The following MAP4K4 variants were observed in gnomAD, a reference collection of about 807,000 sequenced individuals.
MAP4K4 encodes the protein HPK/GCK-like kinase HGK.
In MAP4K4, 38 loss-of-function variants were observed where a neutral mutation model predicts 189.6. That is an observed-to-expected ratio of 0.20 (90% CI 0.15 to 0.26). The LOEUF is 0.26. Among genes scored for constraint, MAP4K4 ranks in the 10% least tolerant of loss-of-function variants. The probability of loss-of-function intolerance (pLI) is 1.00; values close to 1 mark genes in which losing one functional copy is unlikely to be tolerated. For missense variants in MAP4K4, 1,054 were observed against 1,726.9 expected, an observed-to-expected ratio of 0.61 and a Z score of 6.91; for synonymous variants, 610 against 624.3, an observed-to-expected ratio of 0.98 and a Z score of 0.34.
chr2:101,748,579 T>C (rs1445621071), intron 2 of MAP4K4, among the ~76,000 whole-genome samples: 1 of 152,000 alleles, frequency 6.6e-6, no homozygotes, highest in East Asian at 1.9e-4. Flanking sequence ...GAGGCTGAGG[T>C]GGATGGATCT....
intron 11 of MAP4K4, among the ~76,000 whole-genome samples, chr2:101,843,716 G>T (rs1243943211): frequency 6.6e-6 from 1 of 152,100 alleles, no homozygotes; most frequent in African/African-American, 2.4e-5. Flanking sequence ...CAAAGACAAA[G>T]GAATGGTGTA....
chr2:101,859,191 G>A lies in MAP4K4; in HGVS notation c.1482+109G>A, dbSNP rs2097561075. On this transcript the variant is annotated intron_variant, in intron 14 of 32. Transcript: ENST00000324219. Reference sequence around the variant, plus strand: ...GACCATTTTGGTTTTGCTGTGGGCAGCCAGGCTGAAATAGTGATGCCCATT... The same window carrying A: ...GACCATTTTGGTTTTGCTGTGGGCAACCAGGCTGAAATAGTGATGCCCATT... The A allele has an allele frequency of 5.6e-6, 5 of 888,642 alleles. No homozygotes were observed. The South Asian group carries it at 8.5e-5, about 15-fold the overall frequency. 55.0% of individuals were successfully genotyped at this position (888,642 alleles called of 1,614,324 possible). A position where few individuals can be genotyped will look rare whatever the true frequency, so the allele number is the denominator to read the frequency against.
At chr2:101,816,273 G>A (rs750668086) in intron 3 of MAP4K4, among the ~76,000 whole-genome samples, 3 of 152,186 alleles carry the variant, frequency 2.0e-5, no homozygotes, top group Non-Finnish European at 2.9e-5. Flanking sequence ...TTTTGGCCAG[G>A]AGCCAAAGTT....
At chr2:101,867,415 C>A in intron 20 of MAP4K4, 106 bp downstream of exon 20, 1 of 791,002 alleles carries the variant, frequency 1.3e-6, no homozygotes, top group Non-Finnish European at 2.1e-6. Context: ...GAGGGCCCCT[C>A]ACAGATTTGA....
chr2:101,731,550 GA>G (rs1427046581), intron 2 of MAP4K4, among the ~76,000 whole-genome samples: 1 of 152,142 alleles, frequency 6.6e-6, no homozygotes, highest in Non-Finnish European at 1.5e-5. Flanking sequence ...CCAGAGCTTA[GA>G]AGTTTGAGAC....
intron 2 of MAP4K4, among the ~76,000 whole-genome samples, chr2:101,776,021 T>G (rs1180389499): frequency 5.3e-5 from 8 of 152,344 alleles, no homozygotes; most frequent in Admixed American, 4.6e-4. Context: ...TGGTGGTGTT[T>G]TGGAGGGCTT....
chr2:101,769,212 C>T (rs2080130865), intron 2 of MAP4K4, among the ~76,000 whole-genome samples: 1 of 152,070 alleles, frequency 6.6e-6, no homozygotes, highest in Non-Finnish European at 1.5e-5. Context: ...ATTGTGGTCT[C>T]ATTTGTTCTT....
intron 3 of MAP4K4, among the ~76,000 whole-genome samples, chr2:101,796,484 G>A (rs115095287): frequency 0.011 from 1,635 of 152,254 alleles, 15 homozygotes; most frequent in Non-Finnish European, 0.02. Context: ...TTGCTAATTA[G>A]ACACTGCAGG....
intron 2 of MAP4K4, among the ~76,000 whole-genome samples, chr2:101,734,952 C>T (rs2059793767): frequency 6.6e-6 from 1 of 152,020 alleles, no homozygotes; most frequent in Non-Finnish European, 1.5e-5. Context: ...GGGGCTAGGC[C>T]CAGTTAACTA....
intron 3 of MAP4K4, among the ~76,000 whole-genome samples, chr2:101,796,568 T>A (rs1479521057): frequency 6.6e-6 from 1 of 152,232 alleles, no homozygotes; most frequent in Non-Finnish European, 1.5e-5. Context: ...ATCAGGTTTT[T>A]AAGTAAGCTC....
At chr2:101,705,172 A>G (rs2041631529) in intron 2 of MAP4K4, among the ~76,000 whole-genome samples, 1 of 152,198 alleles carries the variant, frequency 6.6e-6, no homozygotes, top group Admixed American at 6.5e-5. Context: ...AATTGGGGAG[A>G]CAAAAGTGAA....
intron 12 of MAP4K4, among the ~76,000 whole-genome samples, chr2:101,852,680 T>C (rs1399145707): frequency 1.3e-5 from 2 of 152,204 alleles, no homozygotes; most frequent in Non-Finnish European, 2.9e-5. Context: ...GAATAAAATG[T>C]AATTATGTTG....
At chr2:101,790,852 C>A in intron 3 of MAP4K4, 76 bp downstream of exon 3, 1 of 1,247,166 alleles carries the variant, frequency 8.0e-7, no homozygotes, top group South Asian at 1.3e-5. Context: ...CAGAGTATTA[C>A]TCTGTTTGGA....
intron 3 of MAP4K4, among the ~76,000 whole-genome samples, chr2:101,803,453 TC>T (rs768489050): frequency 2.3e-4 from 35 of 152,230 alleles, no homozygotes; most frequent in Non-Finnish European, 4.1e-4. Context: ...CTGTGTCCAT[TC>T]CTTTGAAACA....
chr2:101,703,796 A>T (rs986055372), intron 2 of MAP4K4, among the ~76,000 whole-genome samples: 1 of 151,884 alleles, frequency 6.6e-6, no homozygotes, highest in South Asian at 2.1e-4. Flanking sequence ...GGTGGATAAC[A>T]AAGTCAGGAG....
rs115616726 is a variant in MAP4K4 at position 101,844,994 on chromosome 2, G to A, written c.1233+683G>A. ...GGCGGAAACACGGGAAGAGTGCCGC[G>A]TGGCAAGGGAGGCAAGATGGGAATG... On this transcript the variant is annotated intron_variant, in intron 12 of 32. Transcript: ENST00000324219. 4.5e-3 allele frequency among the ~76,000 whole-genome samples: 680 copies of A among 152,136 alleles called. 1 individual carries two copies. Among genetic ancestry groups the A allele is most frequent in the Middle Eastern group, 0.024 (7 of 294 alleles).
chr2:101,706,677 T>C (rs913616522), intron 2 of MAP4K4, among the ~76,000 whole-genome samples: 1 of 152,234 alleles, frequency 6.6e-6, no homozygotes, highest in African/African-American at 2.4e-5. Context: ...AGTTTCCTCA[T>C]AGCTATGCAG....
At chr2:101,869,895 G>T (rs550985331) in intron 22 of MAP4K4, 98 bp downstream of exon 22, 29 of 1,419,330 alleles carry the variant, frequency 2.0e-5, no homozygotes, top group Non-Finnish European at 6.5e-6. Context: ...GTGACCCCAT[G>T]AGCACTTACT....
At chr2:101,703,468 A>G (rs1304246374) in intron 2 of MAP4K4, among the ~76,000 whole-genome samples, 1 of 151,848 alleles carries the variant, frequency 6.6e-6, no homozygotes, top group Non-Finnish European at 1.5e-5. Context: ...AAATATAAAA[A>G]GTAGCCAGGC....
Sources: allele counts gnomAD v4.1 joint callset (sites outside exome capture counted in the v4.1 genomes callset), GRCh38; gene constraint gnomAD v4.1.1; transcripts MANE v1.5; gene names NCBI Gene and HGNC (gene_info 2026-07-23, HGNC 2026-07-21).